The following ITFG1 variants were observed in gnomAD, a reference collection of about 807,000 sequenced individuals.
ITFG1 encodes the protein integrin alpha FG-GAP repeat containing 1.
A neutral mutation model predicts 81.8 loss-of-function variants in ITFG1; 34 were observed. The observed-to-expected ratio is 0.42, with a 90% CI of 0.32 to 0.55. The LOEUF (loss-of-function observed/expected upper bound fraction) is 0.55, where lower values mean the gene tolerates loss of function less well. Among genes scored for constraint, ITFG1 ranks in the 20% least tolerant of loss-of-function variants. The pLI is 0.17. For missense variants in ITFG1, 672 were observed against 755.4 expected (o/e 0.89, Z 1.29); for synonymous variants, 285 against 270.6 (o/e 1.05, Z -0.52).
intron 10 of ITFG1, among the ~76,000 whole-genome samples, chr16:47,265,129 T>C (rs1966260988): frequency 6.6e-6 from 1 of 150,790 alleles, no homozygotes; most frequent in African/African-American, 2.5e-5. Flanking sequence ...TATTATTATG[T>C]ACTGCTGTTA....
intron 12 of ITFG1, among the ~76,000 whole-genome samples, chr16:47,246,982 C>G (rs1966009093): frequency 6.6e-6 from 1 of 152,070 alleles, no homozygotes; most frequent in Admixed American, 6.5e-5. Flanking sequence ...TGGGGTTTCA[C>G]CATGTTGACC....
intron 6 of ITFG1, among the ~76,000 whole-genome samples, chr16:47,423,390 T>C (rs1037711585): frequency 6.6e-6 from 1 of 152,180 alleles, no homozygotes; most frequent in Non-Finnish European, 1.5e-5. Context: ...CTATTCAATT[T>C]GCCAGTCTGT....
At chr16:47,351,238 G>A (rs1170508751) in intron 8 of ITFG1, among the ~76,000 whole-genome samples, 3 of 152,180 alleles carry the variant, frequency 2.0e-5, no homozygotes, top group African/African-American at 7.2e-5. Context: ...AGGAAATAAA[G>A]GGTATTCAAT....
At chr16:47,239,407 GC>G (rs1965909458) in intron 12 of ITFG1, among the ~76,000 whole-genome samples, 1 of 152,008 alleles carries the variant, frequency 6.6e-6, no homozygotes, top group Non-Finnish European at 1.5e-5. Context: ...CACCATGCTG[GC>G]CAGGATGGTC....
chr16:47,382,621 C>T (rs537637330), intron 6 of ITFG1, among the ~76,000 whole-genome samples: 1 of 129,126 alleles, frequency 7.7e-6, no homozygotes, highest in African/African-American at 3.0e-5. Context: ...CCCTGTCTTC[C>T]GTCGTCAGTG....
chr16:47,249,905 C>T (rs148600652), intron 12 of ITFG1, among the ~76,000 whole-genome samples: 2 of 152,248 alleles, frequency 1.3e-5, no homozygotes, highest in East Asian at 1.9e-4. Flanking sequence ...AGCCAACGTG[C>T]AGGTTGGGAG....
intron 10 of ITFG1, among the ~76,000 whole-genome samples, chr16:47,281,471 G>A (rs1966450581): frequency 6.6e-6 from 1 of 152,072 alleles, no homozygotes; most frequent in South Asian, 2.1e-4. Flanking sequence ...ATTATTTAAA[G>A]GTTTCGTAGA....
In ITFG1 at chr16:47,350,944, A is replaced by G. The variant is rs1197657046; in HGVS notation, c.802+14844T>C. Among the ~76,000 whole-genome samples, 3 of 152,364 alleles carry G rather than the reference A, an allele frequency of 2.0e-5. No homozygotes were observed. The East Asian group carries it at 5.8e-4, about 29-fold the overall frequency. ...TCAATAAACATAACCCAGCATATAAACAGAACCAAAGACAAAACCACGTCA... is the reference window on the plus strand; with the variant it reads ...TCAATAAACATAACCCAGCATATAAGCAGAACCAAAGACAAAACCACGTCA... On this transcript the variant is annotated intron_variant, in intron 8 of 17. Transcript: ENST00000320640.
intron 6 of ITFG1, among the ~76,000 whole-genome samples, chr16:47,377,041 T>C (rs950890220): frequency 5.3e-5 from 8 of 151,626 alleles, no homozygotes; most frequent in Non-Finnish European, 8.8e-5. Context: ...AGTTTTTTTT[T>C]CCCTTCCTAC....
At chr16:47,279,403 T>C (rs958368277) in intron 10 of ITFG1, among the ~76,000 whole-genome samples, 4 of 152,084 alleles carry the variant, frequency 2.6e-5, no homozygotes, top group African/African-American at 9.7e-5. Flanking sequence ...CTTTTCTCCA[T>C]TGAAAAAGAG....
intron 8 of ITFG1, among the ~76,000 whole-genome samples, chr16:47,339,569 A>G (rs1233339337): frequency 2.0e-5 from 3 of 152,216 alleles, no homozygotes; most frequent in African/African-American, 7.2e-5. Context: ...TGAAAAGTAT[A>G]ACTGAAATAT....
intron 6 of ITFG1, among the ~76,000 whole-genome samples, chr16:47,395,032 T>C (rs980241692): frequency 6.6e-6 from 1 of 152,190 alleles, no homozygotes; most frequent in African/African-American, 2.4e-5. Flanking sequence ...CAATTTCTAC[T>C]AAGAGAAATG....
chr16:47,322,178 T>C (rs1317600630), intron 8 of ITFG1, among the ~76,000 whole-genome samples: 2 of 152,168 alleles, frequency 1.3e-5, no homozygotes, highest in Non-Finnish European at 1.5e-5. Context: ...AAATATATAC[T>C]ATTAAAGAAT....
In ITFG1 at chr16:47,460,979, G is replaced by A. The variant is rs762393303; in HGVS notation, c.67C>T (p.Leu23=). ...LFSPLLAGLA[L]LGVGPVPARA... ...GCTGGGACCGGCCCGACTCCCAGTA[G>A]TGCAAGCCCTGCGAGGAGCGGCGAG... is the stretch of plus-strand genomic sequence containing the variant. The change falls in exon 1 of 18, where the codon CTA becomes TTA. Residue 23 remains leucine, a synonymous_variant. Coordinates refer to ENST00000320640, the MANE Select transcript of ITFG1 (RefSeq NM_030790.5). The A allele has an allele frequency of 6.3e-7, 1 of 1,595,258 alleles. No homozygotes were observed. Among genetic ancestry groups the A allele is most frequent in the Non-Finnish European group, 8.5e-7 (1 of 1,171,038 alleles).
intron 8 of ITFG1, chr16:47,365,473 T>C (rs1596932607): frequency 4.0e-6 from 1 of 249,550 alleles, no homozygotes; most frequent in Non-Finnish European, 7.7e-6. Flanking sequence ...ATATGTTGTA[T>C]ATACGTGAAG....
In ITFG1 at chr16:47,344,587, T is replaced by C. The variant is rs151231605; in HGVS notation, c.802+21201A>G. Among the ~76,000 whole-genome samples, 328 of 152,394 alleles carry C rather than the reference T, an allele frequency of 2.2e-3. 2 individuals carry two copies. Among genetic ancestry groups the C allele is most frequent in the African/African-American group, 7.7e-3 (321 of 41,600 alleles). Reference sequence around the variant, plus strand: ...TTGGTCAACATTTATTAAGGGTTACTATGTGTCATCCACCAATCTATTTTT... The same window carrying C: ...TTGGTCAACATTTATTAAGGGTTACCATGTGTCATCCACCAATCTATTTTT... On this transcript the variant is annotated intron_variant, in intron 8 of 17. Coordinates refer to ENST00000320640, the MANE Select transcript of ITFG1 (RefSeq NM_030790.5).
chr16:47,398,524 T>G (rs1047428649), intron 6 of ITFG1, among the ~76,000 whole-genome samples: 3 of 152,248 alleles, frequency 2.0e-5, no homozygotes, highest in Non-Finnish European at 4.4e-5. Context: ...CAGTCAGCAT[T>G]ACTTTCAGTG....
At position 47,255,140 on chromosome 16, in the gene ITFG1, C is replaced by T. The variant is rs143532095; in HGVS notation, c.1330+3492G>A. ...AATTCAAATGAAAGAAGGAAAAATC[C>T]CACAGTTATCTCATTAAACAGAAAG... is the stretch of plus-strand genomic sequence containing the variant. On this transcript the variant is annotated intron_variant, in intron 12 of 17. Transcript: ENST00000320640. Among the ~76,000 whole-genome samples, 8 of 152,128 alleles carry T rather than the reference C, an allele frequency of 5.3e-5. No homozygotes were observed. In the East Asian group the frequency reaches 1.5e-3, roughly 29 times the overall value.
intron 12 of ITFG1, among the ~76,000 whole-genome samples, chr16:47,258,063 C>A (rs1966160126): frequency 6.6e-6 from 1 of 152,108 alleles, no homozygotes; most frequent in Non-Finnish European, 1.5e-5. Flanking sequence ...TATTGCCCCC[C>A]AAAACACTAA....
Sources: gnomAD v4.1 joint callset for allele counts (sites outside exome capture counted in the v4.1 genomes callset) on GRCh38, gnomAD v4.1.1 for gene constraint, MANE v1.5 for transcripts, NCBI Gene and HGNC (gene_info 2026-07-23, HGNC 2026-07-21) for gene names.